The following CSMD1 variants were observed in gnomAD, a reference collection of about 807,000 sequenced individuals.
CSMD1 encodes CUB and sushi domain-containing protein 1.
A neutral mutation model predicts 417.5 loss-of-function variants in CSMD1; 213 were observed. The ratio of observed to expected loss-of-function variants is 0.51; its 90% CI spans 0.46 to 0.57. The LOEUF (loss-of-function observed/expected upper bound fraction) is 0.57, where lower values mean the gene tolerates loss of function less well. Ranked by LOEUF, CSMD1 falls within the 20% of genes least tolerant of loss-of-function variation. The pLI is 0.00. For synonymous variants in CSMD1, 2,862 were observed against 1,736.8 expected, an observed-to-expected ratio of 1.65 and a Z score of -16.11; for missense variants, 6,923 against 4,529.7, an observed-to-expected ratio of 1.53 and a Z score of -15.17.
rs199716893 is a variant in CSMD1 at position 4,074,750 on chromosome 8, C to CA, written c.416-42652dup. 7.8e-3 allele frequency among the ~76,000 whole-genome samples: 1,142 copies of CA among 146,734 alleles called. 8 individuals are homozygous for CA. The highest frequency in any genetic ancestry group is 0.023 in the African/African-American group (910 of 40,164). On this transcript the variant is annotated intron_variant, in intron 3 of 69. Coordinates refer to ENST00000635120, the MANE Select transcript of CSMD1 (RefSeq NM_033225.6). ...CATTGATTTAGGAAAAAGAAACAAA[C>CA]AAAAAAAAAACATTGCTTGCAAAGT...
chr8:3,675,639 G>T (rs1020984099), intron 7 of CSMD1, among the ~76,000 whole-genome samples: 9 of 152,166 alleles, frequency 5.9e-5, no homozygotes, highest in African/African-American at 1.4e-4. Flanking sequence ...GGAAACCAGG[G>T]TGTTCTCTGC....
chr8:4,353,835 G>C (rs753648322), intron 3 of CSMD1, among the ~76,000 whole-genome samples: 1 of 152,140 alleles, frequency 6.6e-6, no homozygotes, highest in Admixed American at 6.6e-5. Context: ...TCTCTCCTCA[G>C]TGACCCGCAC....
At chr8:3,194,225 A>T (rs17079576) in intron 33 of CSMD1, among the ~76,000 whole-genome samples, 2 of 152,158 alleles carry the variant, frequency 1.3e-5, no homozygotes, top group Non-Finnish European at 2.9e-5. Context: ...CAACTAAGCC[A>T]TATAATTCAT....
chr8:4,761,894 C>CAAT (rs1563319426), intron 1 of CSMD1, among the ~76,000 whole-genome samples: 18 of 83,816 alleles, frequency 2.1e-4, no homozygotes, highest in Admixed American at 1.4e-3. Flanking sequence ...TATCTACCTA[C>CAAT]CTATCTATCT....
chr8:4,258,956 T>C (rs1023285656), intron 3 of CSMD1, among the ~76,000 whole-genome samples: 7 of 152,144 alleles, frequency 4.6e-5, no homozygotes, highest in African/African-American at 1.7e-4. Flanking sequence ...CTTAATACAC[T>C]AAGGTGTATA....
intron 36 of CSMD1, among the ~76,000 whole-genome samples, chr8:3,186,202 C>T (rs752601525): frequency 6.6e-6 from 1 of 151,980 alleles, no homozygotes; most frequent in African/African-American, 2.4e-5. Context: ...TGAGAGAGGC[C>T]TTATCTTGTA....
intron 3 of CSMD1, among the ~76,000 whole-genome samples, chr8:4,206,052 C>A (rs1388175940): frequency 1.3e-5 from 2 of 152,096 alleles, no homozygotes; most frequent in Non-Finnish European, 2.9e-5. Context: ...TAAATCTTCC[C>A]TGGATCCATT....
intron 3 of CSMD1, among the ~76,000 whole-genome samples, chr8:4,286,394 G>T (rs1335551494): frequency 6.6e-6 from 1 of 152,018 alleles, no homozygotes; most frequent in African/African-American, 2.4e-5. Flanking sequence ...CTTCACCAAG[G>T]GCTTCAGTTA....
At chr8:4,039,715 G>A (rs1191883251) in intron 3 of CSMD1, among the ~76,000 whole-genome samples, 1 of 152,160 alleles carries the variant, frequency 6.6e-6, no homozygotes, top group Non-Finnish European at 1.5e-5. Flanking sequence ...AGGTGGAAAA[G>A]GGCAAGATTT....
rs1487345501 is a variant in CSMD1, at chr8:4,042,815, T to TTAAAAAAAAA, written c.416-10717_416-10716insTTTTTTTTTA. On this transcript the variant is annotated intron_variant, in intron 3 of 69. Transcript: ENST00000635120. ...CAATAGGTGAAGTGGTACAACATAT[T>TTAAAAAAAAA]AAAAAAAAAAAAAAAAAAAAAAAAA... is the stretch of plus-strand genomic sequence containing the variant. 6.4e-3 allele frequency among the ~76,000 whole-genome samples: 265 copies of TTAAAAAAAAA among 41,306 alleles called. 5 individuals are homozygous for TTAAAAAAAAA. Among genetic ancestry groups the TTAAAAAAAAA allele is most frequent in the Non-Finnish European group, 9.3e-3 (218 of 23,468 alleles). 27.1% of individuals were successfully genotyped at this position (41,306 alleles called of 152,430 possible).
chr8:3,331,802 T>C (rs1806915582), intron 23 of CSMD1, among the ~76,000 whole-genome samples: 3 of 152,244 alleles, frequency 2.0e-5, no homozygotes, highest in African/African-American at 7.2e-5. Context: ...ATATATTGAA[T>C]AGCAGTTACT....
intron 10 of CSMD1, among the ~76,000 whole-genome samples, chr8:3,527,111 CAGA>C (rs1585307534): frequency 1.3e-5 from 2 of 152,078 alleles, no homozygotes; most frequent in African/African-American, 2.4e-5. Context: ...GCCCAGAACC[CAGA>C]AGAAGACAAC....
At chr8:4,271,206 A>G (rs1804572084) in intron 3 of CSMD1, among the ~76,000 whole-genome samples, 1 of 152,130 alleles carries the variant, frequency 6.6e-6, no homozygotes, top group East Asian at 1.9e-4. Context: ...GTAAACATAT[A>G]TATACTTGCA....
intron 1 of CSMD1, among the ~76,000 whole-genome samples, chr8:4,775,836 T>C (rs913348617): frequency 2.0e-5 from 3 of 152,244 alleles, no homozygotes; most frequent in African/African-American, 7.2e-5. Context: ...TTCCCCTTAA[T>C]ATTGTTAAGA....
chr8:4,233,422 C>G (rs1278761350), intron 3 of CSMD1, among the ~76,000 whole-genome samples: 1 of 152,128 alleles, frequency 6.6e-6, no homozygotes. Context: ...TGTTGAAAAC[C>G]TGACCCCGAA....
intron 37 of CSMD1, among the ~76,000 whole-genome samples, chr8:3,170,332 C>G (rs1045242203): frequency 6.6e-6 from 1 of 152,150 alleles, no homozygotes; most frequent in Non-Finnish European, 1.5e-5. Context: ...CTCAGCCTCC[C>G]GAGTAGCTGG....
At chr8:4,066,506 A>T (rs537127858) in intron 3 of CSMD1, among the ~76,000 whole-genome samples, 16 of 152,322 alleles carry the variant, frequency 1.1e-4, no homozygotes, top group African/African-American at 3.8e-4. Flanking sequence ...TTGATAGAAA[A>T]CAATTTGTAT....
At chr8:4,706,052 A>G (rs1667966462) in intron 1 of CSMD1, among the ~76,000 whole-genome samples, 1 of 150,366 alleles carries the variant, frequency 6.7e-6, no homozygotes, top group South Asian at 2.1e-4. Context: ...GTAATTTTTT[A>G]TATATACACA....
chr8:4,416,646 A>G (rs944957592), intron 3 of CSMD1, among the ~76,000 whole-genome samples: 1 of 152,090 alleles, frequency 6.6e-6, no homozygotes, highest in Non-Finnish European at 1.5e-5. Flanking sequence ...TATAAAGTAC[A>G]TCAGAGAGAG....
Sources: gnomAD v4.1 joint callset for allele counts (sites outside exome capture counted in the v4.1 genomes callset) on GRCh38, gnomAD v4.1.1 for gene constraint, MANE v1.5 for transcripts, NCBI Gene and HGNC (gene_info 2026-07-23, HGNC 2026-07-21) for gene names.